Variants in KRT76 observed in about 807,000 individuals in gnomAD.
KRT76 encodes the protein keratin 76.
Under a neutral mutation model 44.9 loss-of-function variants are expected in KRT76, and 47 were observed. The ratio of observed to expected loss-of-function variants is 1.05; its 90% confidence interval spans 0.83 to 1.33. KRT76 has a LOEUF of 1.33. Among genes scored for constraint, KRT76 ranks in the 40% most tolerant of loss-of-function variants. The pLI, the probability that KRT76 is intolerant of heterozygous loss-of-function variation, is 0.00. For missense variants in KRT76, 860 were observed against 775.8 expected, an observed-to-expected ratio of 1.11 and a Z score of -1.29; for synonymous variants, 331 against 294.1, an observed-to-expected ratio of 1.13 and a Z score of -1.28.
In KRT76 at chr12:52,776,737, T is replaced by C. The variant is rs745396930; in HGVS notation, c.555A>G (p.Glu185=). ...QIGQVKAQER[E]QIKTLNNKFA... Reference sequence around the variant, plus strand: ...ACTTGTTGTTGAGGGTCTTGATCTGTTCCCGCTCCTGGGCCTTTACTTGCC... The same window carrying C: ...ACTTGTTGTTGAGGGTCTTGATCTGCTCCCGCTCCTGGGCCTTTACTTGCC... The change falls in exon 1 of 9, where the codon GAA becomes GAG. Residue 185 remains glutamate (E), a synonymous_variant. Transcript: ENST00000332411. The C allele has an allele frequency of 8.1e-6, 13 of 1,614,058 alleles. No individual in the cohort carries two copies. The highest frequency in any genetic ancestry group is 1.0e-5 in the Non-Finnish European group (12 of 1,180,052).
intron 8 of KRT76, 91 bp downstream of exon 8, chr12:52,769,458 C>A: frequency 9.1e-7 from 1 of 1,101,294 alleles, no homozygotes; most frequent in Non-Finnish European, 1.4e-6. Flanking sequence ...TTGGATGGAA[C>A]AGGCCTTCTT....
rs1565671029 is a variant in KRT76 at position 52,768,438 on chromosome 12, G to A, written c.*275C>T. The A allele has an allele frequency of 7.4e-6, 3 of 406,756 alleles. No individual in the cohort carries two copies. The highest frequency in any genetic ancestry group is 1.3e-5 in the Non-Finnish European group (3 of 224,382). 25.2% of individuals were successfully genotyped at this position (406,756 alleles called of 1,614,324 possible). A position where few individuals can be genotyped will look rare whatever the true frequency, so the allele number is the denominator to read the frequency against. On this transcript the variant is annotated 3_prime_UTR_variant, in exon 9 of 9. Transcript: ENST00000332411. ...AGTGGGAACAGGCCAGGCTGTGAAG[G>A]CCAAAACTGGCTTGGGCTCAGGGGT...
intron 3 of KRT76, 97 bp downstream of exon 3, chr12:52,773,485 T>C (rs1939215720): frequency 1.3e-6 from 1 of 790,562 alleles, no homozygotes; most frequent in Non-Finnish European, 2.1e-6. Context: ...ACACACAATA[T>C]AAGGTCCCTG....
chr12:52,772,355 G>A (rs1481789827), intron 4 of KRT76, 97 bp from the exon 5 acceptor site: 1 of 1,235,570 alleles, frequency 8.1e-7, no homozygotes, highest in Non-Finnish European at 1.1e-6. Context: ...GGGGCTAGAG[G>A]TGGATCAGTT....
chr12:52,772,295 T>C (rs1939198355), intron 4 of KRT76, 37 bp from the exon 5 acceptor site: 1 of 1,554,192 alleles, frequency 6.4e-7, no homozygotes, highest in East Asian at 2.3e-5. Context: ...TACCATCGCC[T>C]GGACCAGGGG....
At position 52,768,756 on chromosome 12, in the gene KRT76, A is replaced by T; in HGVS notation, c.1874T>A (p.Phe625Tyr). 1.2e-6 allele frequency: 2 copies of T among 1,608,742 alleles called. No individual in the cohort carries two copies. The highest frequency in any genetic ancestry group is 1.7e-6 in the Non-Finnish European group (2 of 1,175,690). The change falls in exon 9 of 9, where the codon TTC becomes TAC. Residue 625 changes from phenylalanine to tyrosine, a missense_variant. Physicochemically the swap from Phe to Tyr is conservative, Grantham distance 22. Transcript: ENST00000332411. ...CTGGCTTGAGCTCGTGGTCTGGGAG[A>T]AGCGGATACTGGTGCTGCCTCCACC... ...SGGGGSTSIRFSQTTSSSQHS... is the reference protein window; with the variant it reads ...SGGGGSTSIRYSQTTSSSQHS...
chr12:52,775,277 A>G (rs891058293), intron 2 of KRT76, 111 bp downstream of exon 2: 2 of 916,204 alleles, frequency 2.2e-6, no homozygotes, highest in Non-Finnish European at 3.5e-6. Flanking sequence ...CAATAAATCC[A>G]TCCCAGAGTA....
Position 52,769,005 on chromosome 12 carries a change from C to CTA in KRT76, c.1624_1625insTA (p.Ser542IlefsTer53). The stretch of plus-strand genomic sequence containing the variant: ...TCCATAGCCACTGCTGCTGCTGCTG[C>CTA]TGCTGCCGCCTTTGTAGCCACCACT... On this transcript the variant is annotated frameshift_variant, in exon 9 of 9. Coordinates refer to ENST00000332411, the MANE Select transcript of KRT76 (RefSeq NM_015848.4). LOFTEE classifies it low-confidence loss of function (END_TRUNC). The CTA allele has an allele frequency of 3.3e-6, 3 of 919,730 alleles. No individual in the cohort carries two copies. Among genetic ancestry groups the CTA allele is most frequent in the Non-Finnish European group, 5.3e-6 (3 of 568,568 alleles). 57.0% of individuals were successfully genotyped at this position (919,730 alleles called of 1,614,324 possible).
chr12:52,768,950 T>C lies in KRT76; in HGVS notation c.1680A>G (p.Gly560=). The C allele has an allele frequency of 7.0e-7, 1 of 1,422,766 alleles. No individual in the cohort carries two copies. The highest frequency in any genetic ancestry group is 9.8e-7 in the Non-Finnish European group (1 of 1,017,962). 88.1% of individuals were successfully genotyped at this position (1,422,766 alleles called of 1,614,324 possible). ...GVSGGSGSGY[G]GVSSGSTGGR... ...CCCCAGTGCTGCCACTGCTGACCCC[T>C]CCATAGCCACTGCCGCTGCCGCCAC... The change falls in exon 9 of 9, where the codon GGA becomes GGG. Residue 560 remains glycine, a synonymous_variant. Transcript: ENST00000332411.
intron 2 of KRT76, among the ~76,000 whole-genome samples, chr12:52,774,505 T>C (rs1389945526): frequency 6.6e-6 from 1 of 152,258 alleles, no homozygotes; most frequent in Admixed American, 6.5e-5. Flanking sequence ...GATTCCTGCC[T>C]GTTAAGGACT....
chr12:52,768,821 G>A lies in KRT76; in HGVS notation c.1809C>T (p.Gly603=), dbSNP rs753333494. The A allele has an allele frequency of 3.1e-6, 5 of 1,613,930 alleles. No individual in the cohort carries two copies. Among genetic ancestry groups the A allele is most frequent in the Non-Finnish European group, 4.2e-6 (5 of 1,179,918 alleles). The change falls in exon 9 of 9, where the codon GGC becomes GGT. Residue 603 remains glycine, a synonymous_variant. Transcript: ENST00000332411. ...VSHSGMGSSS[G]SIQTSGGSGY... is the part of the protein sequence containing the mutation. The stretch of plus-strand genomic sequence containing the variant: ...CACTTCCTCCAGAAGTCTGGATGCT[G>A]CCAGAGCTGGAGCCCATTCCACTGT...
chr12:52,772,616 T>C (rs1364788917), intron 4 of KRT76, among the ~76,000 whole-genome samples, 167 bp downstream of exon 4: 1 of 152,106 alleles, frequency 6.6e-6, no homozygotes, highest in Non-Finnish European at 1.5e-5. Flanking sequence ...GTGGGCCAGG[T>C]CTATGCAGAC....
At chr12:52,772,604 C>T (rs184983893) in intron 4 of KRT76, among the ~76,000 whole-genome samples, 179 bp downstream of exon 4, 8 of 152,236 alleles carry the variant, frequency 5.3e-5, no homozygotes, top group Admixed American at 2.0e-4. Context: ...GCCTGAGGAC[C>T]TGTGGGCCAG....
chr12:52,771,150 C>T lies in KRT76; in HGVS notation c.1333G>A (p.Ala445Thr). 1 of 1,614,188 alleles carries T rather than the reference C, an allele frequency of 6.2e-7. No individual in the cohort carries two copies. The highest frequency in any genetic ancestry group is 8.5e-7 in the Non-Finnish European group (1 of 1,180,030). ...RGEMALKDAN[A>T]KLQDLQTALQ... ...GCAGTCTGCAAGTCTTGGAGCTTGG[C>T]ATTGGCGTCCTTGAGGGCCATCTCT... is the stretch of plus-strand genomic sequence containing the variant. The change falls in exon 7 of 9, where the codon GCC (alanine) becomes ACC (threonine). Residue 445 changes from alanine to threonine, a missense_variant. Ala to Thr is a moderately conservative substitution (Grantham distance 58). Coordinates refer to ENST00000332411, the MANE Select transcript of KRT76 (RefSeq NM_015848.4).
At chr12:52,775,684 G>A in intron 1 of KRT76, 82 bp from the exon 2 acceptor site, 2 of 1,051,494 alleles carry the variant, frequency 1.9e-6, no homozygotes, top group Non-Finnish European at 2.8e-6. Context: ...GAACTGTGGA[G>A]AAGGAACCCA....
rs761404558 is a variant in KRT76 at position 52,769,591 on chromosome 12, G to A, written c.1485-8C>T. On this transcript the variant is annotated splice_region_variant and splice_polypyrimidine_tract_variant and intron_variant, in intron 7 of 8. Coordinates refer to ENST00000332411, the MANE Select transcript of KRT76 (RefSeq NM_015848.4). ...TGACATTCTCCAGACATCCTGAAAAGGAAGAGGAGAGGTGAATTCTTTCTG... is the reference window on the plus strand; with the variant it reads ...TGACATTCTCCAGACATCCTGAAAAAGAAGAGGAGAGGTGAATTCTTTCTG... 3 of 1,613,388 alleles carry A rather than the reference G, an allele frequency of 1.9e-6. No homozygotes were observed. The South Asian group carries it at 3.3e-5, about 18-fold the overall frequency.
chr12:52,772,012 C>A lies in KRT76; in HGVS notation c.1138-16G>T, dbSNP rs753442916. 3 of 1,612,248 alleles carry A rather than the reference C, an allele frequency of 1.9e-6. No individual in the cohort carries two copies. Among genetic ancestry groups the A allele is most frequent in the African/African-American group, 1.3e-5 (1 of 74,904 alleles). On this transcript the variant is annotated splice_polypyrimidine_tract_variant and intron_variant, in intron 5 of 8. Transcript: ENST00000332411. ...GCTCCCCAAGCTGACAGAGGAAAAACCAATCAACGTGGCTTTTGCAAAGTG... is the reference window on the plus strand; with the variant it reads ...GCTCCCCAAGCTGACAGAGGAAAAAACAATCAACGTGGCTTTTGCAAAGTG...
At chr12:52,774,034 G>T (rs1331619779) in intron 2 of KRT76, among the ~76,000 whole-genome samples, 1 of 152,074 alleles carries the variant, frequency 6.6e-6, no homozygotes, top group African/African-American at 2.4e-5. Flanking sequence ...GTCTCACTTT[G>T]TTGCCCAGGC....
Position 52,769,539 on chromosome 12 carries a change from G to C in KRT76, c.1519+10C>G. On this transcript the variant is annotated intron_variant, in intron 8 of 8. Coordinates refer to ENST00000332411, the MANE Select transcript of KRT76 (RefSeq NM_015848.4). ...ACCCAGGGAGAGGGTTTTTTGAATG[G>C]GCTACTTACAAATGCACACGGCACT... The C allele has an allele frequency of 6.2e-7, 1 of 1,612,516 alleles. No individual in the cohort carries two copies. The highest frequency in any genetic ancestry group is 8.5e-7 in the Non-Finnish European group (1 of 1,178,656).
Sources: allele counts gnomAD v4.1 joint callset (sites outside exome capture counted in the v4.1 genomes callset), GRCh38; gene constraint gnomAD v4.1.1; transcripts MANE v1.5; gene names NCBI Gene and HGNC (gene_info 2026-07-23, HGNC 2026-07-21).